TAS2R1: variants seen among roughly 807,000 people sequenced by gnomAD.
The protein encoded by TAS2R1 is taste 2 receptor member 1.
For missense variants in TAS2R1, 370 were observed against 353.4 expected (o/e 1.05, Z -0.38); for synonymous variants, 141 against 134.2 (o/e 1.05, Z -0.35).
At chr5:9,789,104 A>G in the TAS2R1 span, among the ~76,000 whole-genome samples, 1 of 152,046 alleles carries the variant, frequency 6.6e-6, no homozygotes, top group African/African-American at 2.4e-5. Context: ...TCCCATGCCT[A>G]CCCCCAAGTA....
the TAS2R1 span, among the ~76,000 whole-genome samples, chr5:9,812,774 A>C: frequency 6.6e-6 from 1 of 152,156 alleles, no homozygotes; most frequent in Non-Finnish European, 1.5e-5. Flanking sequence ...AGAACAGTTC[A>C]TGGGTAGTGA....
chr5:9,834,712 T>C, the TAS2R1 span, among the ~76,000 whole-genome samples: 731 of 151,354 alleles, frequency 4.8e-3, 7 homozygotes, highest in African/African-American at 0.017. Flanking sequence ...GTATTAGGGG[T>C]AGTGCTGACA....
the TAS2R1 span, among the ~76,000 whole-genome samples, chr5:9,844,461 T>A: frequency 6.6e-6 from 1 of 152,222 alleles, no homozygotes; most frequent in African/African-American, 2.4e-5. Flanking sequence ...TCATGCCTGT[T>A]CATTCTTTAA....
the TAS2R1 span, among the ~76,000 whole-genome samples, chr5:9,719,927 AAAAAAAAAAAAC>A: frequency 7.0e-5 from 9 of 129,462 alleles, 1 homozygote; most frequent in South Asian, 1.5e-3. Context: ...TCAAAAAAAA[AAAAAAAAAAAAC>A]AAAAACAAAA....
the TAS2R1 span, among the ~76,000 whole-genome samples, chr5:9,719,379 G>T: frequency 6.6e-6 from 1 of 152,178 alleles, no homozygotes; most frequent in Middle Eastern, 3.2e-3. Context: ...AACCTTCGGA[G>T]ATGTAAAATT....
chr5:9,883,860 G>A, the TAS2R1 span: 24,313 of 152,002 alleles, frequency 0.16, 2,199 homozygotes, highest in Non-Finnish European at 0.22. Flanking sequence ...GTCCATTTTC[G>A]GCTGCAAAAC....
chr5:9,747,522 C>CT, the TAS2R1 span, among the ~76,000 whole-genome samples: 2 of 152,056 alleles, frequency 1.3e-5, no homozygotes, highest in African/African-American at 4.8e-5. Context: ...GTGCTGGGCT[C>CT]TTTTTAACAA....
At chr5:9,828,243 G>A in the TAS2R1 span, among the ~76,000 whole-genome samples, 108 of 151,626 alleles carry the variant, frequency 7.1e-4, no homozygotes, top group Admixed American at 1.6e-3. Context: ...CTCCTGCCTC[G>A]GCCTCCTGAG....
intron 1 of TAS2R1, among the ~76,000 whole-genome samples, chr5:9,663,476 TAAG>T (rs888606595): frequency 7.2e-5 from 11 of 152,198 alleles, no homozygotes; most frequent in African/African-American, 2.4e-4. Context: ...TTTTTTCTTC[TAAG>T]AAGAAGTTTT....
chr5:9,893,957 T>C, the TAS2R1 span, among the ~76,000 whole-genome samples: 3 of 152,214 alleles, frequency 2.0e-5, no homozygotes, highest in Admixed American at 6.5e-5. Context: ...AGTGAATATA[T>C]GTTGACCCTA....
At chr5:9,783,338 G>GA in the TAS2R1 span, among the ~76,000 whole-genome samples, 4 of 152,226 alleles carry the variant, frequency 2.6e-5, no homozygotes, top group Admixed American at 2.6e-4. Context: ...GCTGGCCCTT[G>GA]AAATGGGAGA....
At chr5:9,866,856 T>C in the TAS2R1 span, among the ~76,000 whole-genome samples, 1 of 152,374 alleles carries the variant, frequency 6.6e-6, no homozygotes, top group East Asian at 1.9e-4. Context: ...TTTTTCTGTA[T>C]CTTAGCCCCA....
the TAS2R1 span, among the ~76,000 whole-genome samples, chr5:9,763,852 T>C: frequency 8.5e-5 from 13 of 152,230 alleles, no homozygotes; most frequent in Non-Finnish European, 1.9e-4. Context: ...AATGAATTGC[T>C]GTGTGCTCCT....
the TAS2R1 span, among the ~76,000 whole-genome samples, chr5:9,895,088 T>C: frequency 6.6e-6 from 1 of 152,204 alleles, no homozygotes; most frequent in Non-Finnish European, 1.5e-5. Context: ...CAAGTTCAGC[T>C]CACTCTCTAC....
At chr5:9,821,237 T>C in the TAS2R1 span, among the ~76,000 whole-genome samples, 1 of 152,196 alleles carries the variant, frequency 6.6e-6, no homozygotes, top group African/African-American at 2.4e-5. Flanking sequence ...CACCTCCCTT[T>C]CATCTGTAGG....
At chr5:9,862,971 C>T in the TAS2R1 span, 2 of 152,226 alleles carry the variant, frequency 1.3e-5, no homozygotes, top group Non-Finnish European at 2.9e-5. Flanking sequence ...TGTTCATGTC[C>T]TCGAAAGATC....
At chr5:9,816,764 A>T in the TAS2R1 span, among the ~76,000 whole-genome samples, 31 of 152,320 alleles carry the variant, frequency 2.0e-4, 1 homozygote, top group East Asian at 6.0e-3. Flanking sequence ...GCATCAAGGC[A>T]GTTGATGATT....
chr5:9,740,350 G>T, the TAS2R1 span, among the ~76,000 whole-genome samples: 1 of 152,142 alleles, frequency 6.6e-6, no homozygotes, highest in African/African-American at 2.4e-5. Flanking sequence ...TTAATAAGTG[G>T]TACAGTAAAG....
the TAS2R1 span, among the ~76,000 whole-genome samples, chr5:9,871,204 T>A: frequency 6.6e-6 from 1 of 151,764 alleles, no homozygotes; most frequent in Non-Finnish European, 1.5e-5. Context: ...AAGGAGAGAA[T>A]TGGATTAAGA....
Sources: gnomAD v4.1 joint callset for allele counts (sites outside exome capture counted in the v4.1 genomes callset) on GRCh38, gnomAD v4.1.1 for gene constraint, MANE v1.5 for transcripts, NCBI Gene and HGNC (gene_info 2026-07-23, HGNC 2026-07-21) for gene names.